ABLIM1: variants seen among roughly 807,000 people sequenced by gnomAD.
ABLIM1 encodes actin binding LIM protein 1.
A neutral mutation model predicts 107.0 loss-of-function variants in ABLIM1; 40 were observed. The observed-to-expected ratio is 0.37, with a 90% CI of 0.29 to 0.49. The LOEUF (loss-of-function observed/expected upper bound fraction) is 0.49. Ranked by LOEUF, ABLIM1 falls within the 20% of genes least tolerant of loss-of-function variation. The pLI is 0.97. For missense variants in ABLIM1, 857 were observed against 1,008.5 expected (o/e 0.85, Z 2.04); for synonymous variants, 357 against 357.3 (o/e 1.00, Z 0.01).
chr10:114,732,775 A>C (rs2082103417), intron 1 of ABLIM1, among the ~76,000 whole-genome samples: 1 of 152,244 alleles, frequency 6.6e-6, no homozygotes, highest in South Asian at 2.1e-4. Context: ...ATTAATTTTG[A>C]AGCCATAGTC....
chr10:114,698,131 C>T (rs957050400), intron 1 of ABLIM1, among the ~76,000 whole-genome samples: 19 of 151,946 alleles, frequency 1.3e-4, no homozygotes, highest in African/African-American at 4.6e-4. Flanking sequence ...GATGAATACA[C>T]AAACACATGA....
upstream of ABLIM1, among the ~76,000 whole-genome samples, chr10:114,768,329 C>G (rs1206350770): frequency 6.8e-6 from 1 of 148,058 alleles, no homozygotes; most frequent in African/African-American, 2.4e-5. Context: ...TCCCCCGCCC[C>G]GAGCCGCCGG....
chr10:114,526,320 T>C (rs2064737774), intron 6 of ABLIM1, among the ~76,000 whole-genome samples: 1 of 152,114 alleles, frequency 6.6e-6, no homozygotes, highest in African/African-American at 2.4e-5. Flanking sequence ...AACCACAGTC[T>C]CCTTTCAATC....
At chr10:114,498,162 C>T (rs1565626946) in intron 6 of ABLIM1, among the ~76,000 whole-genome samples, 1 of 152,152 alleles carries the variant, frequency 6.6e-6, no homozygotes, top group Admixed American at 6.5e-5. Flanking sequence ...AAATATGTCA[C>T]TATTTAACAT....
At chr10:114,560,298 TA>T (rs11288568) in intron 4 of ABLIM1, among the ~76,000 whole-genome samples, 56,604 of 152,044 alleles carry the variant, frequency 0.37, 13,864 homozygotes, top group African/African-American at 0.7. Context: ...CCATACAATG[TA>T]AACATTATTC....
chr10:114,511,311 T>C (rs965945623), intron 6 of ABLIM1, among the ~76,000 whole-genome samples: 1 of 152,022 alleles, frequency 6.6e-6, no homozygotes, highest in East Asian at 1.9e-4. Context: ...CGAGATTTTA[T>C]TCTATTCTAA....
At chr10:114,691,916 G>A (rs2141719776) in intron 1 of ABLIM1, among the ~76,000 whole-genome samples, 1 of 152,252 alleles carries the variant, frequency 6.6e-6, no homozygotes, top group South Asian at 2.1e-4. Context: ...TTGTGAAAGG[G>A]TAGGAAAACA....
intron 1 of ABLIM1, among the ~76,000 whole-genome samples, chr10:114,614,207 G>C (rs538338330): frequency 1.3e-5 from 2 of 152,014 alleles, no homozygotes; most frequent in Admixed American, 6.6e-5. Flanking sequence ...CTCCCAGCAC[G>C]TTGGGAGGCT....
At position 114,457,051 on chromosome 10, in the gene ABLIM1, A is replaced by G. The variant is rs111851177; in HGVS notation, c.1442-3568T>C. On this transcript the variant is annotated intron_variant, in intron 12 of 22. Transcript: ENST00000533213. ...CAGGTAAAGAGAGACCCAATAACAC[A>G]CCCATCTCAGCAATTCTGCAGAATG... Among the ~76,000 whole-genome samples the G allele has an allele frequency of 5.0e-3, 756 of 152,176 alleles. 3 individuals are homozygous for G. Among genetic ancestry groups the G allele is most frequent in the Middle Eastern group, 6.8e-3 (2 of 294 alleles).
At chr10:114,613,343 C>A (rs2076936035) in intron 1 of ABLIM1, among the ~76,000 whole-genome samples, 1 of 152,138 alleles carries the variant, frequency 6.6e-6, no homozygotes, top group South Asian at 2.1e-4. Flanking sequence ...CTTGGGAGAG[C>A]CGGCTATGCC....
chr10:114,505,299 T>G (rs1041232408), intron 6 of ABLIM1, among the ~76,000 whole-genome samples: 15 of 152,198 alleles, frequency 9.9e-5, no homozygotes, highest in Non-Finnish European at 2.1e-4. Context: ...AGTTCAACAC[T>G]CTTGAAATCT....
At chr10:114,672,723 T>G (rs750684134) in intron 1 of ABLIM1, among the ~76,000 whole-genome samples, 1 of 152,210 alleles carries the variant, frequency 6.6e-6, no homozygotes, top group Non-Finnish European at 1.5e-5. Flanking sequence ...TTGAAGGTAT[T>G]CTATGCTTTA....
At chr10:114,767,910 C>T (rs111505103) in intron 1 of ABLIM1, among the ~76,000 whole-genome samples, 9,590 of 152,178 alleles carry the variant, frequency 0.063, 1,003 homozygotes, top group African/African-American at 0.22. Flanking sequence ...CCTTCCCCTG[C>T]CCCCGGCCCC....
At chr10:114,447,239 T>A (rs1330803686) in intron 15 of ABLIM1, among the ~76,000 whole-genome samples, 1 of 152,142 alleles carries the variant, frequency 6.6e-6, no homozygotes, top group African/African-American at 2.4e-5. Context: ...TTGGAAAGCA[T>A]GGAGCAAAGA....
intron 6 of ABLIM1, among the ~76,000 whole-genome samples, chr10:114,510,274 T>C (rs746551957): frequency 6.6e-6 from 1 of 152,204 alleles, no homozygotes; most frequent in Non-Finnish European, 1.5e-5. Flanking sequence ...GAGAAAGTGA[T>C]TGCAAGGTGT....
At chr10:114,462,755 A>AATAT (rs60395105) in intron 12 of ABLIM1, among the ~76,000 whole-genome samples, 53 of 150,148 alleles carry the variant, frequency 3.5e-4, no homozygotes, top group African/African-American at 1.3e-3. Context: ...ACAAAATAAT[A>AATAT]ATATATATAT....
At chr10:114,587,613 G>A (rs1029320273) in intron 2 of ABLIM1, among the ~76,000 whole-genome samples, 2 of 152,098 alleles carry the variant, frequency 1.3e-5, no homozygotes, top group African/African-American at 4.8e-5. Flanking sequence ...TTTATTTCTA[G>A]TAGAAAGTTT....
At chr10:114,601,409 A>G (rs2075985138) in intron 2 of ABLIM1, among the ~76,000 whole-genome samples, 1 of 151,542 alleles carries the variant, frequency 6.6e-6, no homozygotes. Context: ...GGGATTACAG[A>G]CGCCCACCAC....
At chr10:114,442,867 G>C (rs764390487) in intron 17 of ABLIM1, among the ~76,000 whole-genome samples, 1 of 151,452 alleles carries the variant, frequency 6.6e-6, no homozygotes, top group Non-Finnish European at 1.5e-5. Context: ...TTGAGACAGA[G>C]TCTCACTCTC....
Sources: allele counts gnomAD v4.1 joint callset (sites outside exome capture counted in the v4.1 genomes callset), GRCh38; gene constraint gnomAD v4.1.1; transcripts MANE v1.5; gene names NCBI Gene and HGNC (gene_info 2026-07-23, HGNC 2026-07-21).